The following PCDH7 variants were observed in gnomAD, a reference collection of about 807,000 sequenced individuals.
PCDH7 encodes the protein protocadherin 7, also known as protocadherin-7.
Under a neutral mutation model 58.9 loss-of-function variants are expected in PCDH7, and 17 were observed. The observed-to-expected ratio is 0.29, with a 90% CI of 0.20 to 0.43. The LOEUF (loss-of-function observed/expected upper bound fraction) is 0.43. Among genes scored for constraint, PCDH7 ranks in the 20% least tolerant of loss-of-function variants. The pLI, the probability that PCDH7 is intolerant of heterozygous loss-of-function variation, is 1.00. For missense variants in PCDH7, 1,274 were observed against 1,441.0 expected (o/e 0.88, Z 1.88); for synonymous variants, 664 against 616.4 (o/e 1.08, Z -1.14).
chr4:30,975,005 T>C (rs1749936450), intron 3 of PCDH7, among the ~76,000 whole-genome samples: 1 of 152,132 alleles, frequency 6.6e-6, no homozygotes, highest in Non-Finnish European at 1.5e-5. Context: ...ATAACCGTAT[T>C]GTAGTTCTCT....
chr4:31,033,667 G>A (rs375373596), intron 3 of PCDH7, among the ~76,000 whole-genome samples: 1 of 152,078 alleles, frequency 6.6e-6, no homozygotes, highest in African/African-American at 2.4e-5. Context: ...GGCATTACCC[G>A]ACATCCCCCT....
intron 3 of PCDH7, among the ~76,000 whole-genome samples, chr4:31,140,279 G>A (rs1720087607): frequency 6.6e-6 from 1 of 152,096 alleles, no homozygotes; most frequent in South Asian, 2.1e-4. Flanking sequence ...ATTAATCCCT[G>A]AAAAGCAGCC....
exon 1 of PCDH7, chr4:30,724,236 G>A (rs1158157247): frequency 6.2e-7 from 1 of 1,613,208 alleles, no homozygotes; most frequent in East Asian, 2.2e-5. Context: ...AAAAGGACAA[G>A]AAAAACAAAA....
chr4:30,798,763 G>A (rs1725126387), intron 1 of PCDH7, among the ~76,000 whole-genome samples: 1 of 152,134 alleles, frequency 6.6e-6, no homozygotes, highest in South Asian at 2.1e-4. Context: ...CATCACTAAC[G>A]AATCCATGGC....
intron 2 of PCDH7, among the ~76,000 whole-genome samples, chr4:30,931,656 C>G (rs1744620720): frequency 6.6e-6 from 1 of 151,722 alleles, no homozygotes; most frequent in African/African-American, 2.4e-5. Flanking sequence ...ATTGAGACAA[C>G]TCAGAAAACT....
intron 1 of PCDH7, among the ~76,000 whole-genome samples, chr4:30,805,085 G>GT (rs2109309036): frequency 6.6e-6 from 1 of 152,268 alleles, no homozygotes; most frequent in East Asian, 1.9e-4. Flanking sequence ...GGAGCACTTT[G>GT]TATCACTCTA....
At chr4:30,968,047 T>G (rs1178421373) in intron 3 of PCDH7, among the ~76,000 whole-genome samples, 1 of 151,942 alleles carries the variant, frequency 6.6e-6, no homozygotes, top group Admixed American at 6.6e-5. Context: ...AAAGAATAGA[T>G]GTAGTTCCTT....
chr4:30,873,196 G>A (rs1008319081), intron 1 of PCDH7, among the ~76,000 whole-genome samples: 3 of 151,928 alleles, frequency 2.0e-5, no homozygotes, highest in African/African-American at 7.2e-5. Context: ...AACTGTGAAG[G>A]CAACCACTAA....
intron 1 of PCDH7, among the ~76,000 whole-genome samples, chr4:30,865,667 C>T (rs57420512): frequency 0.014 from 2,141 of 151,976 alleles, 44 homozygotes; most frequent in African/African-American, 0.049. Context: ...TTAAGTACAA[C>T]GTATTTTAAG....
intron 1 of PCDH7, among the ~76,000 whole-genome samples, chr4:30,808,364 T>C (rs532111904): frequency 6.6e-6 from 1 of 152,234 alleles, no homozygotes; most frequent in East Asian, 1.9e-4. Flanking sequence ...AATAAATAAA[T>C]AAAACTTTTT....
At position 30,722,479 on chromosome 4, in the gene PCDH7, T is replaced by C; in HGVS notation, c.1057T>C (p.Ser353Pro). 6.2e-7 allele frequency: 1 copy of C among 1,609,018 alleles called. No homozygotes were observed. The highest frequency in any genetic ancestry group is 8.5e-7 in the Non-Finnish European group (1 of 1,178,044). Residue 353 changes from serine (S) to proline (P), a missense_variant, in exon 1 of 2, where the codon TCG becomes CCG. This residue lies in a region of PCDH7 where 331 missense variants were observed against 303.2 expected (regional missense o/e 1.09). Coordinates refer to ENST00000361762, the Ensembl canonical transcript of PCDH7. This position sits in a 1 kb window ranked among gnomAD's most constrained non-coding sequence, Gnocchi z 7.6. ...ATACGTGTTCGGGGCGGCCACCGAG[T>C]CGGTGAGGCGGCTGCTGCGCCTTGA...
At chr4:30,984,953 T>C (rs540166401) in intron 3 of PCDH7, among the ~76,000 whole-genome samples, 3 of 152,224 alleles carry the variant, frequency 2.0e-5, no homozygotes, top group Admixed American at 6.5e-5. Context: ...TGCACTGTTT[T>C]ATATTTCATC....
At chr4:30,939,419 G>A (rs1175185843) in intron 2 of PCDH7, among the ~76,000 whole-genome samples, 1 of 152,126 alleles carries the variant, frequency 6.6e-6, no homozygotes, top group African/African-American at 2.4e-5. Flanking sequence ...TGCAATCCAA[G>A]ATAGACCCTA....
intron 1 of PCDH7, among the ~76,000 whole-genome samples, chr4:30,862,618 C>A (rs1179186971): frequency 6.6e-6 from 1 of 152,030 alleles, no homozygotes; most frequent in African/African-American, 2.4e-5. Flanking sequence ...TTGCAAATAT[C>A]CTTTTAGGGT....
intron 1 of PCDH7, among the ~76,000 whole-genome samples, chr4:30,742,444 G>A (rs1717205643): frequency 6.6e-6 from 1 of 152,050 alleles, no homozygotes; most frequent in South Asian, 2.1e-4. Context: ...AACAGACATG[G>A]CTTCGAAAAA....
At position 30,722,574 on chromosome 4, in the gene PCDH7, G is replaced by T; in HGVS notation, c.1152G>T (p.Thr384=). Residue 384 remains threonine (T), a synonymous_variant, in exon 1 of 2, where the codon ACG becomes ACT. Coordinates refer to ENST00000361762, the Ensembl canonical transcript of PCDH7. This position sits in a 1 kb window ranked among gnomAD's most constrained non-coding sequence, Gnocchi z 7.6. ...AGGAGGTGAACCAGCTGCGCTTCACGGTCATGGCCCGCGACCGCGGGCAGC... is the reference window on the plus strand; with the variant it reads ...AGGAGGTGAACCAGCTGCGCTTCACTGTCATGGCCCGCGACCGCGGGCAGC... The T allele has an allele frequency of 1.9e-6, 3 of 1,612,914 alleles. No homozygotes were observed. In the East Asian group the frequency reaches 6.7e-5, roughly 36 times the overall value.
chr4:31,120,867 C>A (rs1717610898), intron 3 of PCDH7, among the ~76,000 whole-genome samples: 1 of 152,130 alleles, frequency 6.6e-6, no homozygotes, highest in South Asian at 2.1e-4. Context: ...GAAATGAATA[C>A]AACACTTGCC....
chr4:30,944,741 A>G (rs1036606297), intron 2 of PCDH7, among the ~76,000 whole-genome samples: 1 of 152,204 alleles, frequency 6.6e-6, no homozygotes, highest in African/African-American at 2.4e-5. Context: ...AAGTAAACTT[A>G]GAATATTCAT....
chr4:30,890,836 T>C (rs1033557418), intron 1 of PCDH7, among the ~76,000 whole-genome samples: 1 of 152,164 alleles, frequency 6.6e-6, no homozygotes, highest in African/African-American at 2.4e-5. Flanking sequence ...AGTAATGATT[T>C]CTTGATATCC....
Sources: allele counts gnomAD v4.1 joint callset (sites outside exome capture counted in the v4.1 genomes callset), GRCh38; gene constraint gnomAD v4.1.1; regional missense constraint gnomAD v4.1.1; non-coding constraint Gnocchi (gnomAD v3.1); transcripts MANE v1.5; gene names NCBI Gene and HGNC (gene_info 2026-07-23, HGNC 2026-07-21).